TNIK: variants seen among roughly 807,000 people sequenced by gnomAD.
The protein encoded by TNIK is TRAF2 and NCK interacting kinase.
In TNIK, 49 loss-of-function variants were observed where a neutral mutation model predicts 191.3. That is an observed-to-expected ratio of 0.26 (90% confidence interval 0.20 to 0.32). TNIK has a LOEUF of 0.32. Among genes scored for constraint, TNIK ranks in the 10% least tolerant of loss-of-function variants. The pLI is 1.00. For synonymous variants in TNIK, 594 were observed against 600.9 expected (o/e 0.99, Z 0.17); for missense variants, 1,155 against 1,702.3 (o/e 0.68, Z 5.66).
intron 2 of TNIK, among the ~76,000 whole-genome samples, chr3:171,348,297 A>C (rs921565492): frequency 6.6e-6 from 1 of 152,200 alleles, no homozygotes; most frequent in Non-Finnish European, 1.5e-5. Context: ...AATTTCATTA[A>C]CATAATTTTA....
chr3:171,339,634 G>C (rs1757316229), intron 2 of TNIK, among the ~76,000 whole-genome samples: 1 of 152,196 alleles, frequency 6.6e-6, no homozygotes, highest in Non-Finnish European at 1.5e-5. Context: ...CTGAATCCCA[G>C]GCTGGCTGAT....
At chr3:171,425,086 A>T (rs749794970) in intron 1 of TNIK, among the ~76,000 whole-genome samples, 15 of 152,164 alleles carry the variant, frequency 9.9e-5, no homozygotes, top group Non-Finnish European at 1.8e-4. Flanking sequence ...GAGTTCGCAT[A>T]AACTGGTATG....
chr3:171,379,732 C>T (rs759884795), intron 1 of TNIK, among the ~76,000 whole-genome samples: 4 of 152,134 alleles, frequency 2.6e-5, no homozygotes, highest in Non-Finnish European at 4.4e-5. Context: ...ACATGCAGGC[C>T]GGACACAGTG....
chr3:171,122,434 A>G lies in TNIK; in HGVS notation c.2120+1162T>C, dbSNP rs529994554. 2.8e-4 allele frequency among the ~76,000 whole-genome samples: 43 copies of G among 152,300 alleles called. 1 individual carries two copies. The highest frequency in any genetic ancestry group is 2.5e-3 in the Admixed American group (38 of 15,308). ...CTTAGCTGCTTAGCAATACCAGCTC[A>G]GTGTGAATCAGACAAGTCACTGGAA... On this transcript the variant is annotated intron_variant, in intron 18 of 32. Transcript: ENST00000436636.
At chr3:171,330,486 A>C (rs1756286206) in intron 2 of TNIK, among the ~76,000 whole-genome samples, 1 of 152,138 alleles carries the variant, frequency 6.6e-6, no homozygotes, top group Non-Finnish European at 1.5e-5. Flanking sequence ...CCTTCTAGAG[A>C]TAGAGTGTAT....
intron 1 of TNIK, among the ~76,000 whole-genome samples, chr3:171,435,701 C>T (rs1307436960): frequency 2.6e-5 from 4 of 152,138 alleles, no homozygotes; most frequent in African/African-American, 9.7e-5. Flanking sequence ...CTTCCTAAGA[C>T]AGAAATAAGG....
chr3:171,249,215 C>T (rs901022671), intron 2 of TNIK, among the ~76,000 whole-genome samples: 3 of 152,196 alleles, frequency 2.0e-5, no homozygotes, highest in Non-Finnish European at 4.4e-5. Flanking sequence ...CCTCCAGTGG[C>T]ATGTCTGCTA....
chr3:171,418,911 A>G (rs570565022), intron 1 of TNIK, among the ~76,000 whole-genome samples: 3 of 152,168 alleles, frequency 2.0e-5, no homozygotes, highest in Admixed American at 6.5e-5. Context: ...TGGTCCAGCT[A>G]GAAATCCCAG....
At chr3:171,139,055 C>A (rs1730418866) in intron 14 of TNIK, among the ~76,000 whole-genome samples, 1 of 152,140 alleles carries the variant, frequency 6.6e-6, no homozygotes, top group African/African-American at 2.4e-5. Context: ...TGAAATATGA[C>A]TGTAGAGCTG....
chr3:171,442,889 C>A (rs1161647875), intron 1 of TNIK, among the ~76,000 whole-genome samples: 3 of 152,122 alleles, frequency 2.0e-5, no homozygotes, highest in Non-Finnish European at 2.9e-5. Flanking sequence ...TACATCTGTT[C>A]TTCTCCCAAA....
rs71634497 is a variant in TNIK at position 171,327,900 on chromosome 3, T to TAAAAAAAAAAAAAAAAAAAAAAA, written c.123+41697_123+41719dup. Among the ~76,000 whole-genome samples, 20 of 79,634 alleles carry TAAAAAAAAAAAAAAAAAAAAAAA rather than the reference T, an allele frequency of 2.5e-4. 1 individual carries two copies. The highest frequency in any genetic ancestry group is 5.6e-4 in the East Asian group (1 of 1,784). 52.2% of individuals were successfully genotyped at this position (79,634 alleles called of 152,430 possible). A position where few individuals can be genotyped will look rare whatever the true frequency, so the allele number is the denominator to read the frequency against. On this transcript the variant is annotated intron_variant, in intron 2 of 32. Coordinates refer to ENST00000436636, the MANE Select transcript of TNIK (RefSeq NM_015028.4). Reference sequence around the variant, plus strand: ...ATCTGTGGCTCCCAAACCTGGCTCATAAAAAAAAAAAAAAAAAAAAAAAAA... The same window carrying TAAAAAAAAAAAAAAAAAAAAAAA: ...ATCTGTGGCTCCCAAACCTGGCTCATAAAAAAAAAAAAAAAAAAAAAAAAAAAAAAAAAAAAAAAAAAAAAAAA...
At position 171,144,785 on chromosome 3, in the gene TNIK, G is replaced by A. The variant is rs141374852; in HGVS notation, c.1222-4276C>T. 7.1e-4 allele frequency among the ~76,000 whole-genome samples: 108 copies of A among 152,206 alleles called. 1 individual carries two copies. The highest frequency in any genetic ancestry group is 6.6e-3 in the South Asian group (32 of 4,820). On this transcript the variant is annotated intron_variant, in intron 12 of 32. Transcript: ENST00000436636. Reference sequence around the variant, plus strand: ...CACCACTGCCCCCTGCCAATCCTCTGGTAACCACTGTTCTACTCTTTCTTT... The same window carrying A: ...CACCACTGCCCCCTGCCAATCCTCTAGTAACCACTGTTCTACTCTTTCTTT...
chr3:171,386,806 T>A (rs1560007045), intron 1 of TNIK, among the ~76,000 whole-genome samples: 1 of 152,192 alleles, frequency 6.6e-6, no homozygotes, highest in Non-Finnish European at 1.5e-5. Context: ...GACATCTCTA[T>A]CAAAGCCAGT....
At position 171,456,033 on chromosome 3, in the gene TNIK, A is replaced by C. The variant is rs116767661; in HGVS notation, c.57+3974T>G. Among the ~76,000 whole-genome samples the C allele has an allele frequency of 3.9e-3, 591 of 152,340 alleles. 6 individuals carry two copies. Among genetic ancestry groups the C allele is most frequent in the African/African-American group, 0.013 (556 of 41,582 alleles). Reference sequence around the variant, plus strand: ...GGTCAATTCTTAAATCTGGGTTTCAATGGAGAAAGGAATGGCTAGGGAATG... The same window carrying C: ...GGTCAATTCTTAAATCTGGGTTTCACTGGAGAAAGGAATGGCTAGGGAATG... On this transcript the variant is annotated intron_variant, in intron 1 of 32. Coordinates refer to ENST00000436636, the MANE Select transcript of TNIK (RefSeq NM_015028.4).
chr3:171,262,117 C>T (rs949167962), intron 2 of TNIK, among the ~76,000 whole-genome samples: 4 of 152,210 alleles, frequency 2.6e-5, no homozygotes, highest in Admixed American at 6.5e-5. Context: ...GTTTTCACAA[C>T]TGTGCTGATG....
At chr3:171,183,774 C>G (rs1370994929) in intron 7 of TNIK, among the ~76,000 whole-genome samples, 1 of 151,774 alleles carries the variant, frequency 6.6e-6, no homozygotes, top group African/African-American at 2.4e-5. Context: ...CACAAAAATT[C>G]ACTGGGCGTG....
chr3:171,251,913 T>C (rs564007461), intron 2 of TNIK, among the ~76,000 whole-genome samples: 10 of 152,328 alleles, frequency 6.6e-5, no homozygotes, highest in African/African-American at 2.2e-4. Flanking sequence ...GTAAATATGA[T>C]AACAGACCAA....
chr3:171,367,807 TA>T (rs1470703788), intron 2 of TNIK, among the ~76,000 whole-genome samples: 1 of 152,122 alleles, frequency 6.6e-6, no homozygotes, highest in African/African-American at 2.4e-5. Flanking sequence ...CTCATTTGAC[TA>T]ATACACAGAA....
At chr3:171,163,763 A>T (rs1734284783) in intron 10 of TNIK, among the ~76,000 whole-genome samples, 1 of 152,220 alleles carries the variant, frequency 6.6e-6, no homozygotes, top group Admixed American at 6.5e-5. Context: ...TCTACTCTCT[A>T]GGGTAAATCC....
Sources: allele counts gnomAD v4.1 joint callset (sites outside exome capture counted in the v4.1 genomes callset), GRCh38; gene constraint gnomAD v4.1.1; transcripts MANE v1.5; gene names NCBI Gene and HGNC (gene_info 2026-07-23, HGNC 2026-07-21).